Variants in TOX observed in about 807,000 individuals in gnomAD.
TOX encodes the protein thymocyte selection-associated high mobility group box protein TOX.
Under a neutral mutation model 53.7 loss-of-function variants are expected in TOX, and 11 were observed. That is an observed-to-expected ratio of 0.20 (90% CI 0.13 to 0.34). TOX has a LOEUF of 0.34. Ranked by LOEUF, TOX falls within the 10% of genes least tolerant of loss-of-function variation. TOX has a pLI of 1.00. For synonymous variants in TOX, 225 were observed against 245.3 expected (o/e 0.92, Z 0.77); for missense variants, 570 against 664.6 (o/e 0.86, Z 1.56).
rs374533829 is a variant in TOX, at chr8:58,818,558, G to A, written c.1006-2834C>T. Reference sequence around the variant, plus strand: ...AGGGACTTGAATTTCTGTAGCCCACGCATCTACCATAGTGCAAAATACATA... The same window carrying A: ...AGGGACTTGAATTTCTGTAGCCCACACATCTACCATAGTGCAAAATACATA... On this transcript the variant is annotated intron_variant, in intron 6 of 8. Coordinates refer to ENST00000361421, the MANE Select transcript of TOX (RefSeq NM_014729.3). 1.3e-4 allele frequency among the ~76,000 whole-genome samples: 20 copies of A among 152,170 alleles called. No individual in the cohort carries two copies. In the South Asian group the frequency reaches 1.5e-3, roughly 11 times the overall value.
At chr8:59,022,101 G>C (rs1017818137) in intron 1 of TOX, among the ~76,000 whole-genome samples, 1 of 152,098 alleles carries the variant, frequency 6.6e-6, no homozygotes, top group Non-Finnish European at 1.5e-5. Context: ...TTGCACCCCT[G>C]ATTAAATGCA....
intron 6 of TOX, 41 bp downstream of exon 6, chr8:58,826,781 A>C: frequency 6.5e-7 from 1 of 1,545,678 alleles, no homozygotes; most frequent in Non-Finnish European, 8.8e-7. Flanking sequence ...CTGCGCCGAG[A>C]TGGCCACAAT....
intron 3 of TOX, among the ~76,000 whole-genome samples, chr8:58,887,318 A>G (rs1346047752): frequency 6.6e-6 from 1 of 151,906 alleles, no homozygotes; most frequent in Non-Finnish European, 1.5e-5. Flanking sequence ...TACTCACTTC[A>G]TACAAGAAAG....
chr8:58,989,441 T>C (rs1326360026), intron 1 of TOX, among the ~76,000 whole-genome samples: 1 of 152,116 alleles, frequency 6.6e-6, no homozygotes, highest in Non-Finnish European at 1.5e-5. Flanking sequence ...AGATGCAGAG[T>C]ATCCATGAGA....
intron 1 of TOX, among the ~76,000 whole-genome samples, chr8:59,096,690 A>G (rs1804716526): frequency 6.6e-6 from 1 of 152,212 alleles, no homozygotes; most frequent in Non-Finnish European, 1.5e-5. Context: ...ACAGAGTTTC[A>G]TAGGAGGAGA....
chr8:59,058,763 A>C (rs1312499239), intron 1 of TOX, among the ~76,000 whole-genome samples: 1 of 152,194 alleles, frequency 6.6e-6, no homozygotes, highest in Non-Finnish European at 1.5e-5. Context: ...CCCCACCTGC[A>C]ACTATTTTCC....
chr8:59,056,366 G>A lies in TOX; in HGVS notation c.102+62520C>T, dbSNP rs1448537259. Among the ~76,000 whole-genome samples the A allele has an allele frequency of 5.3e-5, 8 of 149,660 alleles. No individual in the cohort carries two copies. The Admixed American group carries it at 5.3e-4, about 10-fold the overall frequency. On this transcript the variant is annotated intron_variant, in intron 1 of 8. Transcript: ENST00000361421. ...TGGATCACTTGAGCCCAGGAGGAAG[G>A]GGTTGCAGTGAGCTATGATCGTGCC...
chr8:58,961,524 G>A (rs1209217530), intron 1 of TOX, among the ~76,000 whole-genome samples: 1 of 151,978 alleles, frequency 6.6e-6, no homozygotes, highest in Non-Finnish European at 1.5e-5. Flanking sequence ...CCATTGAACA[G>A]GTGAACTCTT....
intron 1 of TOX, among the ~76,000 whole-genome samples, chr8:59,018,874 T>C (rs961369246): frequency 3.9e-5 from 6 of 152,172 alleles, no homozygotes; most frequent in Non-Finnish European, 7.3e-5. Flanking sequence ...ACAGAATAAT[T>C]GTAATTTTTA....
At chr8:59,081,963 A>G (rs1804416289) in intron 1 of TOX, among the ~76,000 whole-genome samples, 1 of 152,218 alleles carries the variant, frequency 6.6e-6, no homozygotes, top group Admixed American at 6.5e-5. Context: ...TTAAGTACTT[A>G]TAAAGGGGAA....
chr8:58,861,238 G>A (rs992668984), intron 3 of TOX, among the ~76,000 whole-genome samples: 6 of 152,162 alleles, frequency 3.9e-5, no homozygotes, highest in East Asian at 1.9e-4. Context: ...AGAGGCTCAC[G>A]GACTAAAGGG....
At chr8:58,971,823 T>C (rs1813008604) in intron 1 of TOX, among the ~76,000 whole-genome samples, 2 of 152,274 alleles carry the variant, frequency 1.3e-5, no homozygotes, top group South Asian at 4.1e-4. Context: ...CCACAGCAGC[T>C]AGGACTACCG....
chr8:58,815,756 G>A (rs1167088574), intron 6 of TOX, 32 bp from the exon 7 acceptor site: 3 of 1,569,358 alleles, frequency 1.9e-6, no homozygotes, highest in East Asian at 2.2e-5. Context: ...AGAGTTGGGA[G>A]GCTGATACAT....
chr8:59,107,485 T>C (rs1020861888), intron 1 of TOX, among the ~76,000 whole-genome samples: 1 of 152,210 alleles, frequency 6.6e-6, no homozygotes, highest in Non-Finnish European at 1.5e-5. Context: ...GATTACAAAT[T>C]TGAAACAAGT....
chr8:59,093,147 C>T (rs570001650), intron 1 of TOX, among the ~76,000 whole-genome samples: 64 of 152,334 alleles, frequency 4.2e-4, no homozygotes, highest in South Asian at 8.3e-4. Context: ...CTGCAGCTCA[C>T]GCCTTTTTAA....
chr8:58,990,933 A>G (rs756449218), intron 1 of TOX, among the ~76,000 whole-genome samples: 7 of 152,188 alleles, frequency 4.6e-5, no homozygotes, highest in Non-Finnish European at 1.0e-4. Flanking sequence ...CTTTGTCCAG[A>G]GGTTTCATTT....
chr8:59,088,677 T>C (rs1007753550), intron 1 of TOX, among the ~76,000 whole-genome samples: 1 of 152,188 alleles, frequency 6.6e-6, no homozygotes, highest in South Asian at 2.1e-4. Context: ...AAATTGCATA[T>C]GATGAATAAG....
intron 1 of TOX, among the ~76,000 whole-genome samples, chr8:59,033,240 A>C (rs1814392890): frequency 6.6e-6 from 1 of 152,176 alleles, no homozygotes; most frequent in Non-Finnish European, 1.5e-5. Context: ...AAATTCTTTG[A>C]CACTCCTCCT....
intron 1 of TOX, among the ~76,000 whole-genome samples, chr8:59,074,901 G>A (rs1804265086): frequency 6.6e-6 from 1 of 152,198 alleles, no homozygotes; most frequent in Non-Finnish European, 1.5e-5. Context: ...AGCCACTAGA[G>A]GAATGGGAAA....
Sources: gnomAD v4.1 joint callset for allele counts (sites outside exome capture counted in the v4.1 genomes callset) on GRCh38, gnomAD v4.1.1 for gene constraint, MANE v1.5 for transcripts, NCBI Gene and HGNC (gene_info 2026-07-23, HGNC 2026-07-21) for gene names.